Variants in TCF3 observed in about 807,000 individuals in gnomAD.
The protein encoded by TCF3 is transcription factor 3.
TCF3 carries 54 observed loss-of-function variants against 72.3 expected under a neutral mutation model. That is an observed-to-expected ratio of 0.75 (90% CI 0.60 to 0.94). The LOEUF is 0.94. Ranked by LOEUF, TCF3 falls within the 40% of genes least tolerant of loss-of-function variation. The probability of loss-of-function intolerance (pLI) is 0.00; values close to 1 mark genes in which losing one functional copy is unlikely to be tolerated. For synonymous variants in TCF3, 525 were observed against 412.6 expected (o/e 1.27, Z -3.30); for missense variants, 1,078 against 934.4 (o/e 1.15, Z -2.00).
In TCF3 at chr19:1,632,331, C is replaced by G. The variant is rs2063809984; in HGVS notation, c.219+1G>C. ...GTCTCAGGCCTCACGGGGACTCCTA[C>G]CCGGCTGGGGTCAAAGGAGGAGCTG... On this transcript the variant is annotated splice_donor_variant, in intron 4 of 18. Coordinates refer to ENST00000262965, the MANE Select transcript of TCF3 (RefSeq NM_003200.5). LOFTEE classifies it high-confidence loss of function. 3.2e-6 allele frequency: 5 copies of G among 1,583,052 alleles called. No individual in the cohort carries two copies. The highest frequency in any genetic ancestry group is 3.4e-6 in the Non-Finnish European group (4 of 1,164,532).
At position 1,612,325 on chromosome 19, in the gene TCF3, G is replaced by A. The variant is rs1197244861; in HGVS notation, c.1823-476C>T. 4.2e-5 allele frequency: 67 copies of A among 1,613,836 alleles called. 1 individual carries two copies. In the East Asian group the frequency reaches 1.4e-3, roughly 33 times the overall value. On this transcript the variant is annotated intron_variant, in intron 18 of 18. Coordinates refer to ENST00000262965, the MANE Select transcript of TCF3 (RefSeq NM_003200.5). ...GGCACATGCGCCCCAGCTCCCGGAA[G>A]GCCTCGTTAATATCCCGCACGCGCA...
intron 3 of TCF3, among the ~76,000 whole-genome samples, chr19:1,637,419 AG>A (rs1333444740): frequency 3.3e-5 from 5 of 152,204 alleles, no homozygotes; most frequent in African/African-American, 1.2e-4. Context: ...GTTTCCCTGG[AG>A]GGCAGAGCTG....
Position 1,652,376 on chromosome 19 carries a change from G to A in TCF3, c.-116C>T, listed in dbSNP as rs1391303453. 18 of 141,072 alleles carry A rather than the reference G, an allele frequency of 1.3e-4. No homozygotes were observed. The highest frequency in any genetic ancestry group is 8.7e-4 in the East Asian group (4 of 4,592). 8.7% of individuals were successfully genotyped at this position (141,072 alleles called of 1,614,324 possible). On this transcript the variant is annotated 5_prime_UTR_variant, in exon 1 of 19. Coordinates refer to ENST00000262965, the MANE Select transcript of TCF3 (RefSeq NM_003200.5). ...GCGGGGGGGCCCCCCCCCGGACAAA[G>A]GTGCGTCGCGGCCGGGCCCCCGAGG...
chr19:1,635,715 T>C (rs1382836457), intron 3 of TCF3, among the ~76,000 whole-genome samples: 1 of 152,250 alleles, frequency 6.6e-6, no homozygotes, highest in African/African-American at 2.4e-5. Flanking sequence ...GCTGGAAACG[T>C]GGCCAGCATT....
intron 3 of TCF3, among the ~76,000 whole-genome samples, chr19:1,638,830 A>G (rs925084395): frequency 6.6e-6 from 1 of 152,240 alleles, no homozygotes; most frequent in African/African-American, 2.4e-5. Context: ...CGGAGTTGGG[A>G]GCACACAGAT....
chr19:1,651,218 C>T (rs576812252), intron 1 of TCF3: 1 of 228,852 alleles, frequency 4.4e-6, no homozygotes, highest in Non-Finnish European at 8.7e-6. Flanking sequence ...ACTCCAGGCC[C>T]CTCCAGTCTC....
intron 5 of TCF3, among the ~76,000 whole-genome samples, chr19:1,631,732 G>C: frequency 1.3e-5 from 2 of 152,320 alleles, no homozygotes; most frequent in Middle Eastern, 3.4e-3. Context: ...CAGCCCGGCT[G>C]ACCCCTCCCC....
At chr19:1,650,354 C>A (rs575611018) in intron 1 of TCF3, 67 bp from the exon 2 acceptor site, 4 of 1,237,770 alleles carry the variant, frequency 3.2e-6, no homozygotes, top group Non-Finnish European at 4.5e-6. Context: ...TGTGAGTGGT[C>A]AAAGCACAGA....
At chr19:1,627,589 G>C (rs1470405681) in intron 5 of TCF3, among the ~76,000 whole-genome samples, 163 bp from the exon 6 acceptor site, 1 of 151,794 alleles carries the variant, frequency 6.6e-6, no homozygotes, top group Non-Finnish European at 1.5e-5. Context: ...GCCCATCTCG[G>C]GGAGCCCTGG....
Position 1,610,678 on chromosome 19 carries a change from C to T in TCF3, c.*1029G>A, listed in dbSNP as rs1014435667. ...GGGGAGGGCGTTGTGTAGGGTAGCCCTGGGGGCCACAGCTGCTTGGCAGAG... is the reference window on the plus strand; with the variant it reads ...GGGGAGGGCGTTGTGTAGGGTAGCCTTGGGGGCCACAGCTGCTTGGCAGAG... On this transcript the variant is annotated 3_prime_UTR_variant, in exon 19 of 19. Coordinates refer to ENST00000262965, the MANE Select transcript of TCF3 (RefSeq NM_003200.5). 2.6e-5 allele frequency: 6 copies of T among 230,548 alleles called. No individual in the cohort carries two copies. Among genetic ancestry groups the T allele is most frequent in the Admixed American group, 1.7e-4 (3 of 17,692 alleles). The allele number at this position is 230,548 out of a possible 1,614,324, so 14.3% of individuals were successfully genotyped here. A position where few individuals can be genotyped will look rare whatever the true frequency, so the allele number is the denominator to read the frequency against.
chr19:1,630,035 C>T (rs1236244451), intron 5 of TCF3, among the ~76,000 whole-genome samples: 3 of 152,238 alleles, frequency 2.0e-5, no homozygotes, highest in Non-Finnish European at 4.4e-5. Context: ...CCCGGGACCC[C>T]CGCCTGCCCT....
chr19:1,640,155 C>T (rs931061632), intron 3 of TCF3, among the ~76,000 whole-genome samples: 4 of 152,112 alleles, frequency 2.6e-5, no homozygotes, highest in South Asian at 4.1e-4. Context: ...ATCAAAGAGC[C>T]GAACGGGGCC....
chr19:1,621,696 A>G (rs760077902), intron 11 of TCF3, 142 bp downstream of exon 11: 5 of 1,136,544 alleles, frequency 4.4e-6, no homozygotes, highest in Non-Finnish European at 6.0e-6. Context: ...CAGACAGCGG[A>G]CAATGAGAAC....
chr19:1,630,252 C>T (rs550278578), intron 5 of TCF3, among the ~76,000 whole-genome samples: 1 of 152,302 alleles, frequency 6.6e-6, no homozygotes, highest in African/African-American at 2.4e-5. Flanking sequence ...CCACCCCCGG[C>T]AGGGGGGCGG....
intron 8 of TCF3, among the ~76,000 whole-genome samples, chr19:1,623,382 C>CTTTT (rs371876498): frequency 3.1e-5 from 4 of 129,860 alleles, no homozygotes; most frequent in Admixed American, 7.9e-5. Flanking sequence ...GCACCCCCCG[C>CTTTT]TTTTTTTTTT....
At chr19:1,630,763 C>G (rs1302955216) in intron 5 of TCF3, among the ~76,000 whole-genome samples, 1 of 152,346 alleles carries the variant, frequency 6.6e-6, no homozygotes, top group Admixed American at 6.5e-5. Context: ...CTGACCACGA[C>G]AGCGGGACCC....
chr19:1,651,916 G>A (rs1437823984), intron 1 of TCF3, among the ~76,000 whole-genome samples: 11 of 150,758 alleles, frequency 7.3e-5, no homozygotes, highest in Admixed American at 5.3e-4. Flanking sequence ...CGCCCGGGCC[G>A]GGCCCCCCTC....
rs370218186 is a variant in TCF3, at chr19:1,631,611, A to G, written c.298+427T>C. ...GGTTAACAGGAGGGCCCCCCAGGGA[A>G]AGAGGGCGGGCGGGCGGTCTGCGGA... On this transcript the variant is annotated intron_variant, in intron 5 of 18. Transcript: ENST00000262965. 1.3e-4 allele frequency among the ~76,000 whole-genome samples: 20 copies of G among 152,042 alleles called. No homozygotes were observed. In the East Asian group the frequency reaches 2.1e-3, roughly 16 times the overall value.
At chr19:1,647,229 C>A (rs537395821) in intron 2 of TCF3, among the ~76,000 whole-genome samples, 137 of 152,272 alleles carry the variant, frequency 9.0e-4, no homozygotes, top group African/African-American at 3.2e-3. Context: ...CGGCATTAAC[C>A]GGAAAAGCCA....
Sources: gnomAD v4.1 joint callset for allele counts (sites outside exome capture counted in the v4.1 genomes callset) on GRCh38, gnomAD v4.1.1 for gene constraint, MANE v1.5 for transcripts, NCBI Gene and HGNC (gene_info 2026-07-23, HGNC 2026-07-21) for gene names.